The following CDK14 variants were observed in gnomAD, a reference collection of about 807,000 sequenced individuals.
CDK14 encodes cyclin-dependent kinase 14.
A neutral mutation model predicts 60.7 loss-of-function variants in CDK14; 34 were observed. That is an observed-to-expected ratio of 0.56 (90% confidence interval 0.43 to 0.75). The LOEUF is 0.75. CDK14 is among the 30% of genes least tolerant of loss of function. The pLI is 0.00. For synonymous variants in CDK14, 197 were observed against 203.7 expected (o/e 0.97, Z 0.28); for missense variants, 482 against 564.1 (o/e 0.85, Z 1.47).
chr7:91,177,536 G>C (rs1262796636), intron 14 of CDK14, among the ~76,000 whole-genome samples: 2 of 152,190 alleles, frequency 1.3e-5, no homozygotes, highest in South Asian at 4.1e-4. Context: ...GTTTGCAGAC[G>C]ACATGATTGT....
intron 2 of CDK14, among the ~76,000 whole-genome samples, chr7:90,703,564 T>G (rs1049681895): frequency 6.6e-5 from 10 of 152,220 alleles, no homozygotes; most frequent in African/African-American, 2.4e-4. Flanking sequence ...AGTATCTGTT[T>G]TAATGCAGAC....
chr7:90,613,531 AC>A lies in CDK14; in HGVS notation c.123+9283del, dbSNP rs1405379853. On this transcript the variant is annotated intron_variant, in intron 2 of 14. Coordinates refer to ENST00000380050, the MANE Select transcript of CDK14 (RefSeq NM_001287135.2). ...GTGAAACCCTGTGTCTACTAAAAAT[AC>A]AAAAATTAGCCAGGCGTGGTGGCAG... 2.0e-5 allele frequency among the ~76,000 whole-genome samples: 3 copies of A among 151,848 alleles called. No individual in the cohort carries two copies. In the East Asian group the frequency reaches 5.8e-4, roughly 29 times the overall value.
chr7:91,045,437 G>A lies in CDK14; in HGVS notation c.1042-460G>A, dbSNP rs3808298. 7.1e-4 allele frequency among the ~76,000 whole-genome samples: 108 copies of A among 152,270 alleles called. No individual in the cohort carries two copies. The East Asian group carries it at 0.021, about 29-fold the overall frequency. On this transcript the variant is annotated intron_variant, in intron 10 of 14. Transcript: ENST00000380050. The stretch of plus-strand genomic sequence containing the variant: ...GAGAATTTGAGCATTCTAAGCTGTC[G>A]ACCCTGCCTCTTTGAAACATTATGA...
In CDK14 at chr7:91,146,405, C is replaced by T. The variant is rs369122524; in HGVS notation, c.*28+28197C>T. The stretch of plus-strand genomic sequence containing the variant: ...TAGTAGAGTCAGGGTTTTGCCATGC[C>T]GGCCCTGCTGGTCTTGAACTCATGA... On this transcript the variant is annotated intron_variant, in intron 14 of 14. Coordinates refer to ENST00000380050, the MANE Select transcript of CDK14 (RefSeq NM_001287135.2). Among the ~76,000 whole-genome samples, 179 of 151,986 alleles carry T rather than the reference C, an allele frequency of 1.2e-3. 2 individuals are homozygous for T. Among genetic ancestry groups the T allele is most frequent in the African/African-American group, 4.0e-3 (165 of 41,520 alleles).
intron 11 of CDK14, among the ~76,000 whole-genome samples, chr7:91,056,029 C>T (rs1797542834): frequency 6.6e-6 from 1 of 152,160 alleles, no homozygotes; most frequent in Admixed American, 6.5e-5. Context: ...CTCCATAACT[C>T]CTCACCCTGA....
At chr7:91,067,676 G>A (rs1215576195) in intron 11 of CDK14, among the ~76,000 whole-genome samples, 1 of 152,188 alleles carries the variant, frequency 6.6e-6, no homozygotes, top group Non-Finnish European at 1.5e-5. Flanking sequence ...AAGGTTTTAT[G>A]TGAATAAAAC....
At chr7:90,731,905 C>G (rs1165302109) in intron 3 of CDK14, among the ~76,000 whole-genome samples, 4 of 151,930 alleles carry the variant, frequency 2.6e-5, no homozygotes, top group African/African-American at 7.3e-5. Flanking sequence ...AGAGGGCATC[C>G]TTGTCTTGTG....
intron 2 of CDK14, among the ~76,000 whole-genome samples, chr7:90,637,310 G>A (rs1262524346): frequency 6.6e-6 from 1 of 151,818 alleles, no homozygotes; most frequent in East Asian, 1.9e-4. Flanking sequence ...CTTTGAATGT[G>A]TCCCAGAGAT....
At chr7:90,684,772 C>A (rs1375885659) in intron 2 of CDK14, among the ~76,000 whole-genome samples, 1 of 152,156 alleles carries the variant, frequency 6.6e-6, no homozygotes, top group Non-Finnish European at 1.5e-5. Flanking sequence ...TTAAAACTTA[C>A]CTGTCTGTCC....
intron 5 of CDK14, among the ~76,000 whole-genome samples, chr7:90,811,584 A>T (rs1262037666): frequency 2.0e-5 from 3 of 151,784 alleles, no homozygotes; most frequent in Admixed American, 2.0e-4. Flanking sequence ...AAAACACCAA[A>T]AGCAATGGCA....
chr7:90,635,607 G>A (rs1008401175), intron 2 of CDK14, among the ~76,000 whole-genome samples: 1 of 152,066 alleles, frequency 6.6e-6, no homozygotes, highest in Non-Finnish European at 1.5e-5. Flanking sequence ...GGATTGACTT[G>A]GCAATGCGGG....
chr7:90,830,818 A>G (rs1443683752), intron 5 of CDK14, among the ~76,000 whole-genome samples: 1 of 152,160 alleles, frequency 6.6e-6, no homozygotes, highest in Non-Finnish European at 1.5e-5. Context: ...ATCTTTCTCA[A>G]GTTTAAATTT....
chr7:90,740,019 T>C (rs1052862326), intron 3 of CDK14, among the ~76,000 whole-genome samples: 1 of 152,054 alleles, frequency 6.6e-6, no homozygotes, highest in Non-Finnish European at 1.5e-5. Context: ...AACACATGGT[T>C]TGTATCTTAC....
At chr7:90,972,548 C>T (rs1313102737) in intron 9 of CDK14, among the ~76,000 whole-genome samples, 3 of 152,096 alleles carry the variant, frequency 2.0e-5, no homozygotes, top group Non-Finnish European at 4.4e-5. Flanking sequence ...TAAATGGCTA[C>T]CTTGGTGCAT....
At chr7:90,911,587 A>C (rs1482388757) in intron 7 of CDK14, among the ~76,000 whole-genome samples, 2 of 152,144 alleles carry the variant, frequency 1.3e-5, no homozygotes, top group Non-Finnish European at 2.9e-5. Context: ...TCTCAGATTA[A>C]ATTGAACCGC....
intron 8 of CDK14, among the ~76,000 whole-genome samples, chr7:90,927,837 C>G (rs1364506483): frequency 6.6e-6 from 1 of 152,206 alleles, no homozygotes; most frequent in East Asian, 1.9e-4. Context: ...CCCCCCGTCA[C>G]TTTCAGGTAT....
chr7:90,910,112 A>G (rs10224911), intron 7 of CDK14, among the ~76,000 whole-genome samples: 15,995 of 152,268 alleles, frequency 0.11, 1,362 homozygotes, highest in East Asian at 0.46. Flanking sequence ...AGTATGTCCA[A>G]AGTGACACAT....
chr7:91,095,070 G>C (rs1257559139), intron 12 of CDK14, among the ~76,000 whole-genome samples: 2 of 152,170 alleles, frequency 1.3e-5, no homozygotes, highest in African/African-American at 4.8e-5. Context: ...CACTCTTATA[G>C]AACTTATCTT....
chr7:90,931,266 G>T (rs937853551), intron 8 of CDK14, among the ~76,000 whole-genome samples: 3 of 152,178 alleles, frequency 2.0e-5, no homozygotes, highest in African/African-American at 7.2e-5. Flanking sequence ...GAATCACTGA[G>T]TGCCAGATTA....
Sources: allele counts gnomAD v4.1 joint callset (sites outside exome capture counted in the v4.1 genomes callset), GRCh38; gene constraint gnomAD v4.1.1; transcripts MANE v1.5; gene names NCBI Gene and HGNC (gene_info 2026-07-23, HGNC 2026-07-21).